ZC3H7B: variants seen among roughly 807,000 people sequenced by gnomAD.
ZC3H7B encodes zinc finger CCCH domain-containing protein 7B.
Under a neutral mutation model 116.0 loss-of-function variants are expected in ZC3H7B, and 35 were observed. That is an observed-to-expected ratio of 0.30 (90% CI 0.23 to 0.40). The LOEUF (loss-of-function observed/expected upper bound fraction) is 0.40, where lower values mean the gene tolerates loss of function less well. ZC3H7B is among the 10% of genes least tolerant of loss of function. ZC3H7B has a pLI of 1.00. For missense variants in ZC3H7B, 1,011 were observed against 1,321.5 expected (o/e 0.77, Z 3.64); for synonymous variants, 502 against 545.6 (o/e 0.92, Z 1.11).
intron 1 of ZC3H7B, among the ~76,000 whole-genome samples, chr22:41,319,272 G>A (rs567053747): frequency 1.3e-5 from 2 of 152,256 alleles, no homozygotes; most frequent in East Asian, 1.9e-4. Context: ...ATGGTGGCAC[G>A]TGCCTGTAGT....
At chr22:41,308,351 G>A (rs979680033) in intron 1 of ZC3H7B, among the ~76,000 whole-genome samples, 4 of 152,062 alleles carry the variant, frequency 2.6e-5, no homozygotes, top group African/African-American at 9.7e-5. Flanking sequence ...CGCAGGGCAG[G>A]GAGCCCAAAG....
chr22:41,346,966 CAAAAA>C lies in ZC3H7B; in HGVS notation c.1665+773_1665+777del, dbSNP rs35397354. ...TGGGTGACAGAGTGAGACCCTATTCCAAAAAAAAAAAAAAAAAAATGTCATTTCCA... is the reference window on the plus strand; with the variant it reads ...TGGGTGACAGAGTGAGACCCTATTCCAAAAAAAAAAAAAATGTCATTTCCA... On this transcript the variant is annotated intron_variant, in intron 14 of 22. Coordinates refer to ENST00000352645, the MANE Select transcript of ZC3H7B (RefSeq NM_017590.6). This position sits in a 1 kb window ranked among gnomAD's most constrained non-coding sequence, Gnocchi z 5.3. Among the ~76,000 whole-genome samples, 2 of 116,742 alleles carry C rather than the reference CAAAAA, an allele frequency of 1.7e-5. No homozygotes were observed. Among genetic ancestry groups the C allele is most frequent in the African/African-American group, 3.8e-5 (1 of 26,450 alleles). The allele number at this position is 116,742 out of a possible 152,430, so 76.6% of individuals were successfully genotyped here.
chr22:41,345,145 G>A (rs941755172), intron 13 of ZC3H7B, among the ~76,000 whole-genome samples: 1 of 152,140 alleles, frequency 6.6e-6, no homozygotes, highest in African/African-American at 2.4e-5. Flanking sequence ...TATCTCACTT[G>A]ATTCCAACAA....
At chr22:41,319,626 C>A (rs1205897131) in intron 1 of ZC3H7B, among the ~76,000 whole-genome samples, 2 of 149,846 alleles carry the variant, frequency 1.3e-5, no homozygotes, top group African/African-American at 4.9e-5. Flanking sequence ...AGAATTATAG[C>A]ACCCTGTCAC....
rs1420650539 is a variant in ZC3H7B at position 41,340,069 on chromosome 22, C to T, written c.1070C>T (p.Thr357Ile). The T allele has an allele frequency of 1.2e-6, 2 of 1,612,092 alleles. No individual in the cohort carries two copies. The highest frequency in any genetic ancestry group is 1.7e-6 in the Non-Finnish European group (2 of 1,179,952). The part of the protein sequence containing the change: ...DPLDLLPYSE[T>I]RLDALDSFGS... Reference sequence around the variant, plus strand: ...CTGGACCTGCTGCCGTACTCGGAGACCCGGCTGGATGCACTCGACAGCTTT... The same window carrying T: ...CTGGACCTGCTGCCGTACTCGGAGATCCGGCTGGATGCACTCGACAGCTTT... The change falls in exon 10 of 23, where the codon ACC becomes ATC. Residue 357 changes from threonine (T) to isoleucine (I), a missense_variant. Coordinates refer to ENST00000352645, the MANE Select transcript of ZC3H7B (RefSeq NM_017590.6).
intron 13 of ZC3H7B, among the ~76,000 whole-genome samples, chr22:41,344,775 C>G (rs746508692): frequency 6.6e-6 from 1 of 152,184 alleles, no homozygotes; most frequent in Admixed American, 6.5e-5. Context: ...TTTCCTCTCT[C>G]CAGATGGCCC....
intron 22 of ZC3H7B, 86 bp downstream of exon 22, chr22:41,356,894 G>A: frequency 5.1e-6 from 8 of 1,580,340 alleles, no homozygotes; most frequent in Non-Finnish European, 6.9e-6. Context: ...CTCTTGGCCT[G>A]GAGGTGGTGT....
At position 41,327,981 on chromosome 22, in the gene ZC3H7B, G is replaced by T. The variant is rs758250554; in HGVS notation, c.444+617G>T. On this transcript the variant is annotated intron_variant, in intron 5 of 22. Transcript: ENST00000352645. This position sits in a 1 kb window ranked among gnomAD's most constrained non-coding sequence, Gnocchi z 4.5. ...TCAACAAAAAATTAAAAAAAAATTA[G>T]CTGGGCATGATGGCACGCACCTGAG... Among the ~76,000 whole-genome samples the T allele has an allele frequency of 1.3e-5, 2 of 152,152 alleles. No homozygotes were observed. The highest frequency in any genetic ancestry group is 2.9e-5 in the Non-Finnish European group (2 of 68,034).
At chr22:41,341,860 G>A (rs974065717) in intron 11 of ZC3H7B, among the ~76,000 whole-genome samples, 7 of 152,048 alleles carry the variant, frequency 4.6e-5, no homozygotes, top group African/African-American at 1.7e-4. Context: ...TCAGGAGTTC[G>A]AGACCAGCCT....
At position 41,302,044 on chromosome 22, in the gene ZC3H7B, G is replaced by T. The variant is rs1439575015; in HGVS notation, c.-7+272G>T. ...AGTTTAAAAGTTACCGTGTGGCCGG[G>T]GGCACCTGGCGCTGGGGAGACTTGG... On this transcript the variant is annotated intron_variant, in intron 1 of 22. Transcript: ENST00000352645. The surrounding 1 kb of genome is among the most constrained non-coding windows in gnomAD (Gnocchi z 5.7). Among the ~76,000 whole-genome samples, 3 of 152,176 alleles carry T rather than the reference G, an allele frequency of 2.0e-5. No individual in the cohort carries two copies. Among genetic ancestry groups the T allele is most frequent in the African/African-American group, 7.2e-5 (3 of 41,458 alleles).
rs202135372 is a variant in ZC3H7B at position 41,315,358 on chromosome 22, T to TC, written c.-6-5297_-6-5296insC. ...TATCCAGCTAATTTCTAGTGTTTTTTTTTTTTTTTTTTGTAGAAATGGAGT... is the reference window on the plus strand; with the variant it reads ...TATCCAGCTAATTTCTAGTGTTTTTTCTTTTTTTTTTTTGTAGAAATGGAGT... On this transcript the variant is annotated intron_variant, in intron 1 of 22. Transcript: ENST00000352645. Among the ~76,000 whole-genome samples, 1,262 of 150,126 alleles carry TC rather than the reference T, an allele frequency of 8.4e-3. 7 individuals carry two copies. Among genetic ancestry groups the TC allele is most frequent in the South Asian group, 0.019 (89 of 4,690 alleles).
In ZC3H7B at chr22:41,302,942, CCAT is replaced by C. The variant is rs1418142019; in HGVS notation, c.-7+1171_-7+1173del. Among the ~76,000 whole-genome samples, 2 of 152,164 alleles carry C rather than the reference CCAT, an allele frequency of 1.3e-5. No homozygotes were observed. The highest frequency in any genetic ancestry group is 4.8e-5 in the African/African-American group (2 of 41,432). Reference sequence around the variant, plus strand: ...TCAGACTTTGAACCCCAACTTCTTGCCATATTCCTCAGCATCTGCAGTTCAGCC... The same window carrying C: ...TCAGACTTTGAACCCCAACTTCTTGCATTCCTCAGCATCTGCAGTTCAGCC... On this transcript the variant is annotated intron_variant, in intron 1 of 22. Coordinates refer to ENST00000352645, the MANE Select transcript of ZC3H7B (RefSeq NM_017590.6). This position sits in a 1 kb window ranked among gnomAD's most constrained non-coding sequence, Gnocchi z 5.7.
At position 41,348,224 on chromosome 22, in the gene ZC3H7B, G is replaced by A. The variant is rs2036612864; in HGVS notation, c.1766+57G>A. The stretch of plus-strand genomic sequence containing the variant: ...TAGGGGCCAGTGGAGAGTCCCCTCA[G>A]GCAGCTCAGATGGCTGAGGAAAGGC... On this transcript the variant is annotated intron_variant, in intron 15 of 22. Coordinates refer to ENST00000352645, the MANE Select transcript of ZC3H7B (RefSeq NM_017590.6). 2.7e-6 allele frequency: 4 copies of A among 1,504,960 alleles called. No individual in the cohort carries two copies. The South Asian group carries it at 4.5e-5, about 17-fold the overall frequency. The allele number at this position is 1,504,960 out of a possible 1,614,324, so 93.2% of individuals were successfully genotyped here.
At chr22:41,341,063 A>AC in intron 10 of ZC3H7B, 25 bp from the exon 11 acceptor site, 1 of 1,608,032 alleles carries the variant, frequency 6.2e-7, no homozygotes. Context: ...AGAGCCACTG[A>AC]CCCCTGTGTC....
chr22:41,329,984 G>C, intron 5 of ZC3H7B, 39 bp from the exon 6 acceptor site: 1 of 1,609,478 alleles, frequency 6.2e-7, no homozygotes, highest in Non-Finnish European at 8.5e-7. Flanking sequence ...TGTGAGCCCG[G>C]GCAGACTGAC....
rs1205987699 is a variant in ZC3H7B, at chr22:41,339,292, G to A, written c.816+101G>A. ...GAAGGCCCCAATGCTCATGTCATGT[G>A]TCTCAGGAGGAGGCCTCAGTAGGGA... On this transcript the variant is annotated intron_variant, in intron 9 of 22. Coordinates refer to ENST00000352645, the MANE Select transcript of ZC3H7B (RefSeq NM_017590.6). 5.0e-6 allele frequency: 7 copies of A among 1,403,084 alleles called. No individual in the cohort carries two copies. The East Asian group carries it at 1.7e-4, about 34-fold the overall frequency. The allele number at this position is 1,403,084 out of a possible 1,614,324, so 86.9% of individuals were successfully genotyped here.
At chr22:41,331,618 CGTA>C (rs1197534285) in intron 6 of ZC3H7B, among the ~76,000 whole-genome samples, 1 of 150,092 alleles carries the variant, frequency 6.7e-6, no homozygotes, top group Non-Finnish European at 1.5e-5. Context: ...TGCCTATAAT[CGTA>C]GTACTTTGGG....
At chr22:41,321,093 G>A (rs1569233292) in intron 2 of ZC3H7B, among the ~76,000 whole-genome samples, 1 of 152,104 alleles carries the variant, frequency 6.6e-6, no homozygotes, top group African/African-American at 2.4e-5. Context: ...CTTTGAGACA[G>A]AATCTCTCCT....
At position 41,338,219 on chromosome 22, in the gene ZC3H7B, G is replaced by C. The variant is rs2036470485; in HGVS notation, c.583-94G>C. The C allele has an allele frequency of 1.5e-6, 2 of 1,363,112 alleles. No individual in the cohort carries two copies. Among genetic ancestry groups the C allele is most frequent in the Non-Finnish European group, 2.0e-6 (2 of 979,790 alleles). 84.4% of individuals were successfully genotyped at this position (1,363,112 alleles called of 1,614,324 possible). A position where few individuals can be genotyped will look rare whatever the true frequency, so the allele number is the denominator to read the frequency against. On this transcript the variant is annotated intron_variant, in intron 7 of 22. Coordinates refer to ENST00000352645, the MANE Select transcript of ZC3H7B (RefSeq NM_017590.6). The surrounding 1 kb of genome is among the most constrained non-coding windows in gnomAD (Gnocchi z 4.5). ...GCACTCTAAGTGCTCCTCGGTGCTG[G>C]GTCAACAGCATAGTCACGTGGGGAG...
Sources: allele counts gnomAD v4.1 joint callset (sites outside exome capture counted in the v4.1 genomes callset), GRCh38; gene constraint gnomAD v4.1.1; non-coding constraint Gnocchi (gnomAD v3.1); transcripts MANE v1.5; gene names NCBI Gene and HGNC (gene_info 2026-07-23, HGNC 2026-07-21).